Variants in ADGRD1 observed in about 807,000 individuals in gnomAD.
ADGRD1 encodes G-protein coupled receptor 133.
In ADGRD1, 77 loss-of-function variants were observed where a neutral mutation model predicts 113.4. That is an observed-to-expected ratio of 0.68 (90% CI 0.57 to 0.82). The LOEUF (loss-of-function observed/expected upper bound fraction) is 0.82, where lower values mean the gene tolerates loss of function less well. Among genes scored for constraint, ADGRD1 ranks in the 40% least tolerant of loss-of-function variants. The pLI, the probability that ADGRD1 is intolerant of heterozygous loss-of-function variation, is 0.00. For synonymous variants in ADGRD1, 474 were observed against 475.0 expected (o/e 1.00, Z 0.03); for missense variants, 1,036 against 1,139.1 (o/e 0.91, Z 1.30).
intron 13 of ADGRD1, among the ~76,000 whole-genome samples, chr12:131,047,507 G>T (rs1882962621): frequency 6.6e-6 from 1 of 152,174 alleles, no homozygotes; most frequent in African/African-American, 2.4e-5. Flanking sequence ...TACAGAGTCA[G>T]GTCAGCAGCC....
At chr12:130,960,209 T>A (rs1053961027) in intron 2 of ADGRD1, among the ~76,000 whole-genome samples, 1 of 152,254 alleles carries the variant, frequency 6.6e-6, no homozygotes, top group African/African-American at 2.4e-5. Context: ...CCAAAGCATG[T>A]CATTACCCAG....
In ADGRD1 at chr12:131,113,872, A is replaced by G. The variant is rs1177101282; in HGVS notation, c.2042-4513A>G. ...CCAGAGAGGAGAGCTGCTCCTTCTG[A>G]TGATATCTGACCTCATCAGGGAGGA... On this transcript the variant is annotated intron_variant, in intron 18 of 24. Coordinates refer to ENST00000261654, the MANE Select transcript of ADGRD1 (RefSeq NM_198827.5). The surrounding 1 kb of genome is among the most constrained non-coding windows in gnomAD (Gnocchi z 4.9). 6.6e-6 allele frequency among the ~76,000 whole-genome samples: 1 copy of G among 152,172 alleles called. No homozygotes were observed. The highest frequency in any genetic ancestry group is 2.4e-5 in the African/African-American group (1 of 41,442).
chr12:130,967,007 A>C lies in ADGRD1; in HGVS notation c.187+461A>C, dbSNP rs819114. 4,067 of 455,414 alleles carry C rather than the reference A, an allele frequency of 8.9e-3. 130 individuals are homozygous for C. The highest frequency in any genetic ancestry group is 0.074 in the African/African-American group (3,723 of 50,166). 28.2% of individuals were successfully genotyped at this position (455,414 alleles called of 1,614,324 possible). ...GATTCAAAATATGATTAAAATGTGC[A>C]TTTTCCCCAACAATCTTGAAACAGA... On this transcript the variant is annotated intron_variant, in intron 3 of 24. Transcript: ENST00000261654.
chr12:131,042,328 A>T (rs1319699515), intron 13 of ADGRD1, among the ~76,000 whole-genome samples: 1 of 152,128 alleles, frequency 6.6e-6, no homozygotes, highest in East Asian at 1.9e-4. Flanking sequence ...AGTGAGCCTC[A>T]GGTTCCGGAG....
intron 20 of ADGRD1, among the ~76,000 whole-genome samples, chr12:131,129,162 GA>G (rs1473138395): frequency 7.2e-6 from 1 of 139,410 alleles, no homozygotes; most frequent in African/African-American, 2.7e-5. Flanking sequence ...CCTGCTGTCT[GA>G]GTGTGAGTGA....
At chr12:131,094,838 C>T (rs539801394) in intron 15 of ADGRD1, among the ~76,000 whole-genome samples, 8 of 152,212 alleles carry the variant, frequency 5.3e-5, no homozygotes, top group East Asian at 1.9e-4. Flanking sequence ...CCCCGCCTTA[C>T]AGATGAGTTT....
chr12:131,123,212 T>A (rs1336485799), intron 20 of ADGRD1, among the ~76,000 whole-genome samples: 1 of 151,536 alleles, frequency 6.6e-6, no homozygotes, highest in Non-Finnish European at 1.5e-5. Context: ...GCCCAGCTAA[T>A]TTTTGTATTT....
Position 131,084,137 on chromosome 12 carries a change from CAT to C in ADGRD1, c.1548-402_1548-401del, listed in dbSNP as rs1306705615. Among the ~76,000 whole-genome samples, 4 of 152,260 alleles carry C rather than the reference CAT, an allele frequency of 2.6e-5. No individual in the cohort carries two copies. Among genetic ancestry groups the C allele is most frequent in the Non-Finnish European group, 5.9e-5 (4 of 68,046 alleles). ...GATGGGCATTTATGTTACCGTCACT[CAT>C]GATTCAGTGACTGGGCTTGAATGTG... is the stretch of plus-strand genomic sequence containing the variant. On this transcript the variant is annotated intron_variant, in intron 14 of 24. Transcript: ENST00000261654. This position sits in a 1 kb window ranked among gnomAD's most constrained non-coding sequence, Gnocchi z 4.5.
chr12:131,082,964 C>T (rs754206821), intron 14 of ADGRD1, among the ~76,000 whole-genome samples: 1 of 152,226 alleles, frequency 6.6e-6, no homozygotes, highest in Non-Finnish European at 1.5e-5. Flanking sequence ...CCCAACCCCT[C>T]CCTCGCGCTC....
intron 20 of ADGRD1, among the ~76,000 whole-genome samples, chr12:131,131,066 C>T (rs1320478052): frequency 1.3e-5 from 2 of 152,224 alleles, no homozygotes; most frequent in African/African-American, 4.8e-5. Flanking sequence ...GGGTTCTTCC[C>T]CATGCTGTGC....
At chr12:130,975,494 C>A (rs1485419989) in intron 4 of ADGRD1, among the ~76,000 whole-genome samples, 1 of 152,192 alleles carries the variant, frequency 6.6e-6, no homozygotes, top group Admixed American at 6.5e-5. Context: ...CTAGAGAAAT[C>A]ATTTCCCCTA....
intron 18 of ADGRD1, among the ~76,000 whole-genome samples, chr12:131,110,942 C>G (rs1052938840): frequency 1.3e-5 from 2 of 152,178 alleles, no homozygotes; most frequent in African/African-American, 2.4e-5. Context: ...TCACTGCCTT[C>G]TGGCTCGATT....
intron 20 of ADGRD1, among the ~76,000 whole-genome samples, chr12:131,129,642 G>A (rs1242298886): frequency 6.6e-6 from 1 of 152,250 alleles, no homozygotes; most frequent in Non-Finnish European, 1.5e-5. Flanking sequence ...AGGAGTTGCA[G>A]AATGGCAGAG....
intron 4 of ADGRD1, among the ~76,000 whole-genome samples, chr12:130,974,106 G>A (rs1383365012): frequency 6.6e-6 from 1 of 152,204 alleles, no homozygotes; most frequent in Admixed American, 6.5e-5. Context: ...GCCTGTGCGA[G>A]GGCCATGGCA....
At chr12:131,056,708 C>A (rs1883887679) in intron 13 of ADGRD1, among the ~76,000 whole-genome samples, 1 of 152,174 alleles carries the variant, frequency 6.6e-6, no homozygotes, top group African/African-American at 2.4e-5. Flanking sequence ...GAGCCAGCAC[C>A]TTTGATGTGG....
chr12:131,062,919 A>G (rs772928872), intron 13 of ADGRD1, among the ~76,000 whole-genome samples: 21 of 152,172 alleles, frequency 1.4e-4, no homozygotes, highest in Non-Finnish European at 2.9e-4. Context: ...CATTTGGTAT[A>G]GTTACTATTT....
chr12:131,108,260 G>A (rs1256292967), intron 17 of ADGRD1, among the ~76,000 whole-genome samples: 1 of 152,188 alleles, frequency 6.6e-6, no homozygotes, highest in Non-Finnish European at 1.5e-5. Context: ...AGCATGTAGG[G>A]TTCAGCCACA....
intron 3 of ADGRD1, chr12:130,969,218 G>A: frequency 1.6e-6 from 1 of 617,204 alleles, no homozygotes; most frequent in Non-Finnish European, 2.9e-6. Context: ...GCAGATCCAA[G>A]GTGTTAAAAA....
chr12:131,056,961 G>A lies in ADGRD1; in HGVS notation c.1474-19840G>A, dbSNP rs958041538. On this transcript the variant is annotated intron_variant, in intron 13 of 24. Coordinates refer to ENST00000261654, the MANE Select transcript of ADGRD1 (RefSeq NM_198827.5). ...CAGTTGTGGAGGCGTTGATTGTGCC[G>A]TGGGTCTTGGACTCACGTGTGTTGA... Among the ~76,000 whole-genome samples the A allele has an allele frequency of 5.3e-5, 8 of 152,328 alleles. No homozygotes were observed. The South Asian group carries it at 8.3e-4, about 16-fold the overall frequency.
Sources: allele counts gnomAD v4.1 joint callset (sites outside exome capture counted in the v4.1 genomes callset), GRCh38; gene constraint gnomAD v4.1.1; non-coding constraint Gnocchi (gnomAD v3.1); transcripts MANE v1.5; gene names NCBI Gene and HGNC (gene_info 2026-07-23, HGNC 2026-07-21).